Variants in PPIP5K1 observed in about 807,000 individuals in gnomAD.
PPIP5K1 encodes the protein diphosphoinositol pentakisphosphate kinase 1.
In PPIP5K1, 6 loss-of-function variants were observed where a neutral mutation model predicts 27.7. The observed-to-expected ratio is 0.22, with a 90% CI of 0.12 to 0.43. PPIP5K1 has a LOEUF of 0.43. PPIP5K1 is among the 20% of genes least tolerant of loss of function. The probability of loss-of-function intolerance (pLI) is 1.00; values close to 1 mark genes in which losing one functional copy is unlikely to be tolerated. For synonymous variants in PPIP5K1, 145 were observed against 242.6 expected (o/e 0.60, Z 3.74); for missense variants, 394 against 635.4 (o/e 0.62, Z 4.08).
At chr15:43,548,418 CTTTTA>C (rs2140733338) in intron 30 of PPIP5K1, 1 of 138,428 alleles carries the variant, frequency 7.2e-6, no homozygotes, top group East Asian at 2.2e-4. Context: ...TTTTTTTTTT[CTTTTA>C]ATTTTTTGTA....
chr15:43,555,442 ATTTTAT>A (rs906554626), intron 30 of PPIP5K1, among the ~76,000 whole-genome samples: 1 of 151,538 alleles, frequency 6.6e-6, no homozygotes, highest in Non-Finnish European at 1.5e-5. Flanking sequence ...TACCTGGCTA[ATTTTAT>A]TTTTATTTTT....
chr15:43,535,818 A>AT (rs1213607423), intron 31 of PPIP5K1, among the ~76,000 whole-genome samples: 1 of 152,228 alleles, frequency 6.6e-6, no homozygotes, highest in Non-Finnish European at 1.5e-5. Context: ...TGAATACTTT[A>AT]GCCCAGTGGT....
intron 31 of PPIP5K1, chr15:43,536,075 T>C: frequency 7.8e-7 from 1 of 1,280,374 alleles, no homozygotes; most frequent in Non-Finnish European, 1.0e-6. Context: ...AAATGATAAG[T>C]TGGCAGAAGA....
chr15:43,537,579 C>T (rs1434480343), intron 31 of PPIP5K1, among the ~76,000 whole-genome samples: 2 of 148,966 alleles, frequency 1.3e-5, no homozygotes, highest in African/African-American at 5.0e-5. Flanking sequence ...ATCCCAGTTA[C>T]TCAGGAGGCT....
At chr15:43,553,269 G>C (rs1438099679) in intron 30 of PPIP5K1, among the ~76,000 whole-genome samples, 2 of 152,030 alleles carry the variant, frequency 1.3e-5, no homozygotes, top group African/African-American at 2.4e-5. Context: ...GTTGTTGGAT[G>C]GAATGGTCTA....
intron 30 of PPIP5K1, among the ~76,000 whole-genome samples, chr15:43,557,587 T>C (rs1445345027): frequency 1.3e-5 from 2 of 152,122 alleles, no homozygotes; most frequent in Non-Finnish European, 2.9e-5. Flanking sequence ...TATAGAATGA[T>C]TTAAAATGTG....
At chr15:43,556,932 T>C (rs910699853) in intron 30 of PPIP5K1, among the ~76,000 whole-genome samples, 1 of 152,238 alleles carries the variant, frequency 6.6e-6, no homozygotes, top group Non-Finnish European at 1.5e-5. Context: ...GAAAATCTTT[T>C]ACTATTCTCC....
intron 30 of PPIP5K1, among the ~76,000 whole-genome samples, chr15:43,556,261 G>T (rs769368036): frequency 6.6e-6 from 1 of 151,978 alleles, no homozygotes; most frequent in African/African-American, 2.4e-5. Context: ...CAGAGGTTGC[G>T]GTTAGCCAAA....
intron 1 of PPIP5K1, among the ~76,000 whole-genome samples, chr15:43,587,234 T>TA (rs1357315507): frequency 7.0e-6 from 1 of 142,730 alleles, no homozygotes; most frequent in Non-Finnish European, 1.6e-5. Context: ...ATCTCAGTAG[T>TA]GCTGAGGTAG....
At chr15:43,566,893 G>T (rs1178745123) in intron 26 of PPIP5K1, among the ~76,000 whole-genome samples, 57 of 19,708 alleles carry the variant, frequency 2.9e-3, no homozygotes, top group African/African-American at 3.3e-3. Context: ...ACTCTGTTCT[G>T]CCCAGTCCTC....
At chr15:43,541,233 A>C (rs1346666989) in intron 30 of PPIP5K1, among the ~76,000 whole-genome samples, 1 of 151,944 alleles carries the variant, frequency 6.6e-6, no homozygotes, top group Non-Finnish European at 1.5e-5. Context: ...ACACCTCAGC[A>C]CCTTGAGTAG....
chr15:43,538,256 G>A (rs567990180), intron 31 of PPIP5K1, among the ~76,000 whole-genome samples: 6 of 152,270 alleles, frequency 3.9e-5, no homozygotes, highest in East Asian at 1.9e-4. Context: ...GTTATTCCCC[G>A]GAGGCAGGAT....
intron 30 of PPIP5K1, among the ~76,000 whole-genome samples, chr15:43,552,994 C>T (rs777850925): frequency 2.6e-5 from 4 of 152,086 alleles, no homozygotes; most frequent in Non-Finnish European, 4.4e-5. Context: ...TGAGATCATG[C>T]CACTGCACTC....
At chr15:43,556,260 C>T (rs928722177) in intron 30 of PPIP5K1, among the ~76,000 whole-genome samples, 3 of 151,910 alleles carry the variant, frequency 2.0e-5, no homozygotes, top group Non-Finnish European at 2.9e-5. Context: ...GCAGAGGTTG[C>T]GGTTAGCCAA....
chr15:43,553,415 C>T (rs191776523), intron 30 of PPIP5K1, among the ~76,000 whole-genome samples: 2 of 152,086 alleles, frequency 1.3e-5, no homozygotes, highest in East Asian at 3.9e-4. Context: ...TCACAACACA[C>T]TACAACAGCC....
chr15:43,538,437 CAACTT>C (rs1222751813), intron 31 of PPIP5K1, among the ~76,000 whole-genome samples: 1 of 152,196 alleles, frequency 6.6e-6, no homozygotes, highest in Admixed American at 6.5e-5. Context: ...AGCAGCATCT[CAACTT>C]AAACTAAAAA....
In PPIP5K1 at chr15:43,534,460, G is replaced by A. The variant is rs1164422654; in HGVS notation, c.*214C>T. 5 of 455,324 alleles carry A rather than the reference G, an allele frequency of 1.1e-5. No homozygotes were observed. Among genetic ancestry groups the A allele is most frequent in the Non-Finnish European group, 1.5e-5 (4 of 261,224 alleles). 28.2% of individuals were successfully genotyped at this position (455,324 alleles called of 1,614,324 possible). On this transcript the variant is annotated 3_prime_UTR_variant, in exon 32 of 32. Coordinates refer to ENST00000420765, the MANE Select transcript of PPIP5K1 (RefSeq NM_001394395.1). ...ACACCGCTGGTGAGAGCTGGCCAGT[G>A]AGTTAGCCAACAGAAAAGGTTGCTG... is the stretch of plus-strand genomic sequence containing the variant.
rs1440914882 is a variant in PPIP5K1 at position 43,538,702 on chromosome 15, AG to A, written c.3670+767del. ...AATTTTTTGTATTTTTAGTAGAGAC[AG>A]GGGTTTCACCGTGTTAGCCAGGATG... On this transcript the variant is annotated intron_variant, in intron 31 of 31. Transcript: ENST00000420765. Among the ~76,000 whole-genome samples the A allele has an allele frequency of 2.0e-5, 3 of 152,048 alleles. No individual in the cohort carries two copies. The East Asian group carries it at 5.9e-4, about 30-fold the overall frequency.
intron 30 of PPIP5K1, chr15:43,548,578 G>C (rs1240050748): frequency 6.8e-6 from 1 of 147,340 alleles, no homozygotes. Context: ...AGCAAGACAG[G>C]GTTTCACTCT....
Sources: allele counts gnomAD v4.1 joint callset (sites outside exome capture counted in the v4.1 genomes callset), GRCh38; gene constraint gnomAD v4.1.1; transcripts MANE v1.5; gene names NCBI Gene and HGNC (gene_info 2026-07-23, HGNC 2026-07-21).